Variants in TAFA4 observed in about 807,000 individuals in gnomAD.
TAFA4 encodes TAFA chemokine like family member 4, also known as chemokine-like protein TAFA-4.
Under a neutral mutation model 21.1 loss-of-function variants are expected in TAFA4, and 20 were observed. The observed-to-expected ratio is 0.95, with a 90% CI of 0.67 to 1.38. The LOEUF (loss-of-function observed/expected upper bound fraction) is 1.38, where lower values mean the gene tolerates loss of function less well. Among genes scored for constraint, TAFA4 ranks in the 40% most tolerant of loss-of-function variants. The pLI, the probability that TAFA4 is intolerant of heterozygous loss-of-function variation, is 0.00. For synonymous variants in TAFA4, 71 were observed against 67.4 expected, an observed-to-expected ratio of 1.05 and a Z score of -0.26; for missense variants, 211 against 180.9, an observed-to-expected ratio of 1.17 and a Z score of -0.95.
At chr3:68,899,992 C>T (rs1461277892) in intron 1 of TAFA4, among the ~76,000 whole-genome samples, 2 of 151,196 alleles carry the variant, frequency 1.3e-5, no homozygotes, top group African/African-American at 2.4e-5. Context: ...GTAATCCCAG[C>T]ACTTTTAGAG....
intron 3 of TAFA4, among the ~76,000 whole-genome samples, chr3:68,875,520 G>A (rs1204920935): frequency 6.6e-6 from 1 of 152,004 alleles, no homozygotes. Flanking sequence ...GTATGCTATT[G>A]TGGAGTTGCC....
At chr3:68,834,623 T>C (rs1241252660) in intron 3 of TAFA4, among the ~76,000 whole-genome samples, 2 of 152,088 alleles carry the variant, frequency 1.3e-5, no homozygotes, top group Non-Finnish European at 2.9e-5. Context: ...TGATTTCCTC[T>C]TTCACCTCCC....
intron 4 of TAFA4, among the ~76,000 whole-genome samples, chr3:68,746,571 C>T (rs1214753653): frequency 1.3e-5 from 2 of 152,042 alleles, no homozygotes; most frequent in Non-Finnish European, 2.9e-5. Flanking sequence ...AAAATTAAGC[C>T]ATTAACTTTT....
chr3:68,904,161 C>T (rs539635316), intron 1 of TAFA4, among the ~76,000 whole-genome samples: 2 of 152,204 alleles, frequency 1.3e-5, no homozygotes, highest in East Asian at 1.9e-4. Context: ...CAACTTGCTA[C>T]TGTAGAAATG....
intron 4 of TAFA4, among the ~76,000 whole-genome samples, chr3:68,746,281 G>C (rs2106741630): frequency 1.3e-5 from 2 of 152,144 alleles, no homozygotes; most frequent in South Asian, 4.2e-4. Flanking sequence ...AATTCACCTT[G>C]TTACTGTGTG....
At chr3:68,851,561 G>A (rs916204943) in intron 3 of TAFA4, among the ~76,000 whole-genome samples, 1 of 152,144 alleles carries the variant, frequency 6.6e-6, no homozygotes, top group Admixed American at 6.6e-5. Flanking sequence ...GGTGAAAAGA[G>A]AGAGATATTT....
chr3:68,919,806 C>T lies in TAFA4; in HGVS notation c.-123+12434G>A, dbSNP rs951674680. ...AGGACTTGACCTGTTCTGGAGTTAA[C>T]ATATCTGAATTCCAAGAGAACATAA... On this transcript the variant is annotated intron_variant, in intron 1 of 5. Transcript: ENST00000295569. 7.2e-5 allele frequency among the ~76,000 whole-genome samples: 11 copies of T among 152,144 alleles called. No individual in the cohort carries two copies. In the South Asian group the frequency reaches 2.3e-3, roughly 31 times the overall value.
At chr3:68,753,625 C>T (rs538448408) in intron 3 of TAFA4, among the ~76,000 whole-genome samples, 12 of 152,218 alleles carry the variant, frequency 7.9e-5, no homozygotes, top group Admixed American at 3.9e-4. Flanking sequence ...TGTGAGCCAC[C>T]GTCACTGGCC....
intron 3 of TAFA4, among the ~76,000 whole-genome samples, chr3:68,793,509 A>G (rs1472682446): frequency 2.6e-5 from 4 of 152,292 alleles, no homozygotes; most frequent in African/African-American, 7.2e-5. Context: ...ATTAGTCAGA[A>G]AGCTAAATTG....
chr3:68,917,772 A>G lies in TAFA4; in HGVS notation c.-123+14468T>C, dbSNP rs535589049. Among the ~76,000 whole-genome samples the G allele has an allele frequency of 5.9e-3, 855 of 144,920 alleles. 11 individuals are homozygous for G. Among genetic ancestry groups the G allele is most frequent in the African/African-American group, 0.02 (812 of 40,510 alleles). On this transcript the variant is annotated intron_variant, in intron 1 of 5. Transcript: ENST00000295569. Reference sequence around the variant, plus strand: ...CTGTCTCAAAAAAAAAAAAAAAAAAAAGAAAGTTCCCAGGAACAATGGTAT... The same window carrying G: ...CTGTCTCAAAAAAAAAAAAAAAAAAGAGAAAGTTCCCAGGAACAATGGTAT...
At position 68,833,159 on chromosome 3, in the gene TAFA4, G is replaced by C. The variant is rs1425934300; in HGVS notation, c.130+47571C>G. On this transcript the variant is annotated intron_variant, in intron 3 of 5. Transcript: ENST00000295569. ...GGAAATCCCCCAACCCTTTGCACCT[G>C]GGTGAGGCAACACCCCACCCTGCTT... is the stretch of plus-strand genomic sequence containing the variant. 2.0e-5 allele frequency among the ~76,000 whole-genome samples: 3 copies of C among 152,196 alleles called. No individual in the cohort carries two copies. In the East Asian group the frequency reaches 5.8e-4, roughly 29 times the overall value.
chr3:68,809,935 A>T (rs1211663621), intron 3 of TAFA4, among the ~76,000 whole-genome samples: 2 of 152,148 alleles, frequency 1.3e-5, no homozygotes, highest in East Asian at 3.9e-4. Flanking sequence ...ATCTGTTTTT[A>T]CGCCAGTACC....
chr3:68,904,424 CACAG>C (rs2089877256), intron 1 of TAFA4, among the ~76,000 whole-genome samples: 1 of 152,274 alleles, frequency 6.6e-6, no homozygotes, highest in Middle Eastern at 3.4e-3. Flanking sequence ...GTCAGAAGTC[CACAG>C]ACAAAGAGAT....
At chr3:68,738,982 A>C in intron 5 of TAFA4, 93 bp downstream of exon 5, 1 of 1,525,290 alleles carries the variant, frequency 6.6e-7, no homozygotes, top group East Asian at 2.3e-5. Flanking sequence ...ATTAACACAT[A>C]ATAATGTGTT....
At chr3:68,738,415 A>G (rs1266730604) in intron 5 of TAFA4, among the ~76,000 whole-genome samples, 1 of 152,206 alleles carries the variant, frequency 6.6e-6, no homozygotes, top group Non-Finnish European at 1.5e-5. Context: ...GTCACTGTGT[A>G]GGGACCAGAC....
At chr3:68,787,045 AT>A (rs1252144954) in intron 3 of TAFA4, among the ~76,000 whole-genome samples, 1 of 152,206 alleles carries the variant, frequency 6.6e-6, no homozygotes, top group Non-Finnish European at 1.5e-5. Context: ...CCTATATAAC[AT>A]TTTTAGGTCC....
intron 3 of TAFA4, among the ~76,000 whole-genome samples, chr3:68,799,313 A>G (rs1368005007): frequency 6.6e-6 from 1 of 152,142 alleles, no homozygotes; most frequent in African/African-American, 2.4e-5. Context: ...TGGTCCTGGA[A>G]CAAAGCCCTC....
intron 3 of TAFA4, among the ~76,000 whole-genome samples, chr3:68,805,956 A>G (rs1703689772): frequency 1.3e-5 from 2 of 152,124 alleles, no homozygotes; most frequent in South Asian, 4.1e-4. Flanking sequence ...AAAGTATAAT[A>G]ATAACAAAAT....
At chr3:68,795,425 T>G (rs1029442923) in intron 3 of TAFA4, among the ~76,000 whole-genome samples, 5 of 152,036 alleles carry the variant, frequency 3.3e-5, no homozygotes, top group African/African-American at 1.2e-4. Flanking sequence ...GACCCCAACC[T>G]AAGATGGCCA....
Sources: gnomAD v4.1 joint callset for allele counts (sites outside exome capture counted in the v4.1 genomes callset) on GRCh38, gnomAD v4.1.1 for gene constraint, MANE v1.5 for transcripts, NCBI Gene and HGNC (gene_info 2026-07-23, HGNC 2026-07-21) for gene names.